Variants in UROS observed in about 807,000 individuals in gnomAD.
UROS encodes uroporphyrinogen-III synthase.
Under a neutral mutation model 33.0 loss-of-function variants are expected in UROS, and 18 were observed. That is an observed-to-expected ratio of 0.55 (90% CI 0.38 to 0.81). The LOEUF is 0.81. Ranked by LOEUF, UROS falls within the 30% of genes least tolerant of loss-of-function variation. UROS has a pLI of 0.00. For missense variants in UROS, 293 were observed against 314.9 expected (o/e 0.93, Z 0.53); for synonymous variants, 114 against 121.1 (o/e 0.94, Z 0.38).
intron 6 of UROS, among the ~76,000 whole-genome samples, chr10:125,798,984 A>G (rs941540164): frequency 1.3e-5 from 2 of 152,238 alleles, no homozygotes; most frequent in Non-Finnish European, 1.5e-5. Flanking sequence ...TCCGTAAGAC[A>G]TAAGAAATTT....
At chr10:125,801,973 C>T (rs1052299884) in intron 6 of UROS, 1 of 974,902 alleles carries the variant, frequency 1.0e-6, no homozygotes, top group African/African-American at 1.8e-5. Context: ...CAGGCAGGAG[C>T]CACCTATTCT....
chr10:125,804,650 A>C (rs1041629832), intron 6 of UROS, among the ~76,000 whole-genome samples: 8 of 152,190 alleles, frequency 5.3e-5, no homozygotes, highest in Admixed American at 2.0e-4. Flanking sequence ...TGTCAAAATT[A>C]AGTTGTAGGA....
chr10:125,812,143 G>A, intron 5 of UROS, 71 bp downstream of exon 5: 1 of 1,434,126 alleles, frequency 7.0e-7, no homozygotes, highest in Non-Finnish European at 9.8e-7. Context: ...TTTAAACTGA[G>A]TTAAACTGTT....
downstream of UROS, chr10:125,785,389 T>G (rs1850611007): frequency 6.6e-6 from 1 of 151,650 alleles, no homozygotes; most frequent in Admixed American, 6.5e-5. Flanking sequence ...TTATTCCAAA[T>G]GACCACGTAC....
chr10:125,807,073 C>A, intron 6 of UROS: 1 of 325,044 alleles, frequency 3.1e-6, no homozygotes, highest in Non-Finnish European at 5.9e-6. Context: ...AAAGGACAGT[C>A]CTCAGTAAGG....
chr10:125,807,596 T>A, intron 5 of UROS, 109 bp from the exon 6 acceptor site: 1 of 834,066 alleles, frequency 1.2e-6, no homozygotes, highest in East Asian at 2.6e-5. Context: ...ACAAATCACA[T>A]AGAGGATGTC....
intron 6 of UROS, among the ~76,000 whole-genome samples, chr10:125,801,667 C>T (rs1851848774): frequency 6.6e-6 from 1 of 152,186 alleles, no homozygotes; most frequent in Non-Finnish European, 1.5e-5. Context: ...TATTAGGACC[C>T]ATAGATATGC....
intron 5 of UROS, among the ~76,000 whole-genome samples, chr10:125,809,915 T>C (rs980892924): frequency 4.6e-5 from 7 of 152,240 alleles, no homozygotes; most frequent in African/African-American, 7.2e-5. Context: ...TGTAAAATTA[T>C]GTCAGCGTGC....
intron 5 of UROS, among the ~76,000 whole-genome samples, chr10:125,809,265 C>A (rs1158005622): frequency 1.3e-5 from 2 of 152,230 alleles, no homozygotes; most frequent in East Asian, 3.8e-4. Flanking sequence ...TACTAAATGG[C>A]GCCCAGGTCC....
chr10:125,791,527 T>G (rs1307445170), intron 9 of UROS: 1 of 152,068 alleles, frequency 6.6e-6, no homozygotes, highest in African/African-American at 2.4e-5. Flanking sequence ...AAATTGTATT[T>G]GAATGTTTAG....
chr10:125,802,786 G>T (rs1039714141), intron 6 of UROS: 1 of 1,435,820 alleles, frequency 7.0e-7, no homozygotes, highest in African/African-American at 1.4e-5. Flanking sequence ...AACTCCCAGC[G>T]GTACAGACTG....
At chr10:125,803,727 C>T (rs769565255) in intron 6 of UROS, among the ~76,000 whole-genome samples, 2 of 152,194 alleles carry the variant, frequency 1.3e-5, no homozygotes, top group Non-Finnish European at 2.9e-5. Flanking sequence ...CTCAGGGCTC[C>T]GGTCAACTCT....
At chr10:125,795,017 G>T in intron 8 of UROS, 39 bp from the exon 9 acceptor site, 1 of 1,558,676 alleles carries the variant, frequency 6.4e-7, no homozygotes, top group Non-Finnish European at 8.9e-7. Context: ...CTTGCCATGA[G>T]ACTGAGGAGA....
chr10:125,820,161 T>C (rs1469665783), intron 1 of UROS, among the ~76,000 whole-genome samples: 3 of 152,188 alleles, frequency 2.0e-5, no homozygotes, highest in Admixed American at 2.0e-4. Flanking sequence ...ACCAATGGCA[T>C]ATATTTACAT....
rs1189188886 is a variant in UROS at position 125,796,177 on chromosome 10, C to T, written c.487G>A (p.Glu163Lys). Residue 163 changes from glutamate (E) to lysine (K), a missense_variant, in exon 8 of 10, where the codon GAA becomes AAA. Physicochemically the swap from Glu to Lys is moderately conservative, Grantham distance 56. Coordinates refer to ENST00000368797, the MANE Select transcript of UROS (RefSeq NM_000375.3). ...KALKDKGIAM[E>K]SITVYQTVAH... is the part of the protein sequence containing the mutation. ...ACTGTCTGATACACAGTTATGCTTTCCATGGCAATCCCTGGGCACAATCAA... is the reference window on the plus strand; with the variant it reads ...ACTGTCTGATACACAGTTATGCTTTTCATGGCAATCCCTGGGCACAATCAA... The T allele has an allele frequency of 5.0e-6, 8 of 1,614,070 alleles. No individual in the cohort carries two copies. The highest frequency in any genetic ancestry group is 5.9e-6 in the Non-Finnish European group (7 of 1,180,044).
chr10:125,796,974 CCT>C (rs1277441815), intron 7 of UROS: 1 of 468,896 alleles, frequency 2.1e-6, no homozygotes, highest in Non-Finnish European at 2.8e-6. Context: ...AAGTATCAAA[CCT>C]CTGATTTATA....
chr10:125,812,719 C>T (rs1472677261), intron 4 of UROS, among the ~76,000 whole-genome samples: 1 of 152,192 alleles, frequency 6.6e-6, no homozygotes, highest in East Asian at 1.9e-4. Context: ...AATCTGAAAG[C>T]AGTCAACAAA....
intron 2 of UROS, 56 bp downstream of exon 2, chr10:125,816,381 G>A (rs1853320584): frequency 3.1e-6 from 5 of 1,610,480 alleles, no homozygotes; most frequent in Non-Finnish European, 4.2e-6. Context: ...GCCTGCTCCA[G>A]GCCCCTTGAC....
At position 125,815,517 on chromosome 10, in the gene UROS, T is replaced by C. The variant is rs116493834; in HGVS notation, c.148-387A>G. ...AAAAATGGGAATATTCAGGGGGTGA[T>C]ATCAATGCTGAAGTCCTGATTTTCA... is the stretch of plus-strand genomic sequence containing the variant. On this transcript the variant is annotated intron_variant, in intron 3 of 9. Transcript: ENST00000368797. 7.1e-3 allele frequency among the ~76,000 whole-genome samples: 1,086 copies of C among 152,226 alleles called. 22 individuals carry two copies. The highest frequency in any genetic ancestry group is 0.025 in the African/African-American group (1,051 of 41,530).
Sources: gnomAD v4.1 joint callset for allele counts (sites outside exome capture counted in the v4.1 genomes callset) on GRCh38, gnomAD v4.1.1 for gene constraint, MANE v1.5 for transcripts, NCBI Gene and HGNC (gene_info 2026-07-23, HGNC 2026-07-21) for gene names.